PRDM16: variants seen among roughly 807,000 people sequenced by gnomAD.
PRDM16 encodes PR/SET domain 16.
PRDM16 carries 23 observed loss-of-function variants against 110.6 expected under a neutral mutation model. The observed-to-expected ratio is 0.21, with a 90% CI of 0.15 to 0.29. The LOEUF (loss-of-function observed/expected upper bound fraction) is 0.29. Ranked by LOEUF, PRDM16 falls within the 10% of genes least tolerant of loss-of-function variation. PRDM16 has a pLI of 1.00. For missense variants in PRDM16, 1,615 were observed against 1,794.3 expected, an observed-to-expected ratio of 0.90 and a Z score of 1.81; for synonymous variants, 799 against 781.8, an observed-to-expected ratio of 1.02 and a Z score of -0.37.
intron 3 of PRDM16, among the ~76,000 whole-genome samples, chr1:3,269,379 A>G (rs1365412227): frequency 6.7e-6 from 1 of 149,522 alleles, no homozygotes; most frequent in East Asian, 2.0e-4. Flanking sequence ...GGACAGTCCC[A>G]GAGGAGGACA....
chr1:3,273,279 A>C (rs1190706448), intron 3 of PRDM16, among the ~76,000 whole-genome samples: 1 of 152,160 alleles, frequency 6.6e-6, no homozygotes, highest in Non-Finnish European at 1.5e-5. Flanking sequence ...TCACCACCCC[A>C]GTGCCCAGAA....
chr1:3,134,797 T>A (rs1313976779), intron 1 of PRDM16, among the ~76,000 whole-genome samples: 1 of 152,240 alleles, frequency 6.6e-6, no homozygotes, highest in Non-Finnish European at 1.5e-5. Flanking sequence ...TAAGCCTAGC[T>A]GAGGCAGAGG....
In PRDM16 at chr1:3,339,192, C is replaced by T. The variant is rs1273752663; in HGVS notation, c.439-45960C>T. Among the ~76,000 whole-genome samples, 3 of 152,166 alleles carry T rather than the reference C, an allele frequency of 2.0e-5. No homozygotes were observed. On this transcript the variant is annotated intron_variant, in intron 3 of 16. Transcript: ENST00000270722. This position sits in a 1 kb window ranked among gnomAD's most constrained non-coding sequence, Gnocchi z 5.0. ...AGGGCAGCTTCCTGGCCACCCTCAC[C>T]TCCAGCTGCTGAAAGCCGAACCACG... is the stretch of plus-strand genomic sequence containing the variant.
chr1:3,127,173 T>C (rs983722172), intron 1 of PRDM16, among the ~76,000 whole-genome samples: 3 of 152,254 alleles, frequency 2.0e-5, no homozygotes, highest in Non-Finnish European at 4.4e-5. Flanking sequence ...ATTTCAGCAC[T>C]GTGCTTTCTA....
intron 3 of PRDM16, among the ~76,000 whole-genome samples, chr1:3,366,257 C>A (rs770193677): frequency 3.9e-5 from 6 of 152,250 alleles, no homozygotes; most frequent in Admixed American, 6.5e-5. Flanking sequence ...GGCGGCCGCT[C>A]GCAGACTAGA....
Position 3,175,516 on chromosome 1 carries a change from T to A in PRDM16, c.38-10609T>A, listed in dbSNP as rs1432167320. Among the ~76,000 whole-genome samples, 1 of 152,018 alleles carries A rather than the reference T, an allele frequency of 6.6e-6. No individual in the cohort carries two copies. The highest frequency in any genetic ancestry group is 1.5e-5 in the Non-Finnish European group (1 of 68,008). On this transcript the variant is annotated intron_variant, in intron 1 of 16. Transcript: ENST00000270722. The surrounding 1 kb of genome is among the most constrained non-coding windows in gnomAD (Gnocchi z 4.8). ...CTCATGGGGACTCATAGGCACCCAG[T>A]TGGGGGAACATTCTCCAGGTCTCTG...
At chr1:3,429,115 C>G (rs1638696938) in intron 14 of PRDM16, among the ~76,000 whole-genome samples, 1 of 148,880 alleles carries the variant, frequency 6.7e-6, no homozygotes, top group South Asian at 2.1e-4. Flanking sequence ...GGAGAGAGAC[C>G]AGGGACAGAT....
rs548675372 is a variant in PRDM16, at chr1:3,295,699, T to TG, written c.438+51567dup. On this transcript the variant is annotated intron_variant, in intron 3 of 16. Transcript: ENST00000270722. Reference sequence around the variant, plus strand: ...CGCCCACAGTGGGCTTTGTTTAGTCTGGGGGAAGCTCCGTTGACAGGGTTT... The same window carrying TG: ...CGCCCACAGTGGGCTTTGTTTAGTCTGGGGGGAAGCTCCGTTGACAGGGTTT... Among the ~76,000 whole-genome samples the TG allele has an allele frequency of 5.3e-3, 810 of 152,270 alleles. 8 individuals are homozygous for TG. Among genetic ancestry groups the TG allele is most frequent in the Non-Finnish European group, 8.4e-3 (569 of 68,020 alleles).
At position 3,223,269 on chromosome 1, in the gene PRDM16, C is replaced by T. The variant is rs917416041; in HGVS notation, c.388-20818C>T. ...CCCTGGGCCAGTTTTAACTAGGGCG[C>T]GGCTCATCGCAGTGTTGATTACGGA... On this transcript the variant is annotated intron_variant, in intron 2 of 16. Transcript: ENST00000270722. Among the ~76,000 whole-genome samples the T allele has an allele frequency of 6.6e-5, 10 of 152,096 alleles. No homozygotes were observed. In the East Asian group the frequency reaches 7.7e-4, roughly 12 times the overall value.
intron 2 of PRDM16, among the ~76,000 whole-genome samples, chr1:3,189,135 T>A (rs1204840691): frequency 2.0e-5 from 3 of 152,174 alleles, no homozygotes; most frequent in African/African-American, 7.2e-5. Flanking sequence ...CCAAGTGCCG[T>A]GAACAGGGGC....
intron 3 of PRDM16, among the ~76,000 whole-genome samples, chr1:3,356,737 C>G (rs1438242745): frequency 6.6e-6 from 1 of 152,176 alleles, no homozygotes; most frequent in Non-Finnish European, 1.5e-5. Context: ...AGTCACTGGG[C>G]AGATCGAGCA....
chr1:3,395,499 T>C lies in PRDM16; in HGVS notation c.574-992T>C, dbSNP rs367604141. On this transcript the variant is annotated intron_variant, in intron 4 of 16. Transcript: ENST00000270722. ...TCCTCCGGCCAGGCCTGCAGTTCCC[T>C]GGAAGCTCCCCAGTTACTGTGATCA... 1.4e-4 allele frequency among the ~76,000 whole-genome samples: 22 copies of C among 152,236 alleles called. 1 individual carries two copies. Among genetic ancestry groups the C allele is most frequent in the African/African-American group, 5.3e-4 (22 of 41,544 alleles).
At chr1:3,247,452 T>C (rs2937391) in intron 3 of PRDM16, among the ~76,000 whole-genome samples, 45,116 of 152,126 alleles carry the variant, frequency 0.3, 9,434 homozygotes, top group African/African-American at 0.59. Context: ...GGATTCGAAC[T>C]CAGGACTGTG....
At position 3,412,688 on chromosome 1, in the gene PRDM16, C is replaced by T. The variant is rs1392945429; in HGVS notation, c.2491C>T (p.Arg831Cys). 26 of 1,499,716 alleles carry T rather than the reference C, an allele frequency of 1.7e-5. No homozygotes were observed. The highest frequency in any genetic ancestry group is 4.2e-5 in the African/African-American group (3 of 70,944). 92.9% of individuals were successfully genotyped at this position (1,499,716 alleles called of 1,614,324 possible). ...CCGCAAGAACCACGTCTATGGGGAA[C>T]GCAAGCTGGGCGCCGGCGAGGGGCT... ...EPRKNHVYGE[R>C]KLGAGEGLPQ... is the part of the protein sequence containing the mutation. The change falls in exon 9 of 17, where the codon CGC becomes TGC. Residue 831 changes from arginine (R) to cysteine (C), a missense_variant. Physicochemically the swap from Arg to Cys is radical, Grantham distance 180. Coordinates refer to ENST00000270722, the MANE Select transcript of PRDM16 (RefSeq NM_022114.4).
chr1:3,187,236 T>C (rs1002918814), intron 2 of PRDM16, among the ~76,000 whole-genome samples: 6 of 152,050 alleles, frequency 3.9e-5, no homozygotes, highest in African/African-American at 1.4e-4. Context: ...AAAAGTGCAC[T>C]TCCTGGTGGG....
At position 3,438,026 on chromosome 1, in the gene PRDM16, A is replaced by AGTTTT. The variant is rs1171509682; in HGVS notation, c.*4231_*4235dup. On this transcript the variant is annotated 3_prime_UTR_variant, in exon 17 of 17. Coordinates refer to ENST00000270722, the MANE Select transcript of PRDM16 (RefSeq NM_022114.4). ...CATTGTTACATTACAGATTTGGTTT[A>AGTTTT]GTTTTGTTTTGTTTTGTTTTTTCTT... The AGTTTT allele has an allele frequency of 9.3e-6, 2 of 216,144 alleles. No homozygotes were observed. The highest frequency in any genetic ancestry group is 1.2e-4 in the Admixed American group (2 of 17,196). The allele number at this position is 216,144 out of a possible 1,614,324, so 13.4% of individuals were successfully genotyped here. A position where few individuals can be genotyped will look rare whatever the true frequency, so the allele number is the denominator to read the frequency against.
chr1:3,236,860 G>A (rs1347313540), intron 2 of PRDM16, among the ~76,000 whole-genome samples: 4 of 152,208 alleles, frequency 2.6e-5, no homozygotes, highest in Admixed American at 1.3e-4. Flanking sequence ...CATTATTGGG[G>A]GCCAAGTACC....
At chr1:3,345,951 G>A (rs999747196) in intron 3 of PRDM16, among the ~76,000 whole-genome samples, 9 of 152,230 alleles carry the variant, frequency 5.9e-5, no homozygotes, top group Admixed American at 3.3e-4. Flanking sequence ...AAGAGGCCAC[G>A]TGGCTGTGGG....
chr1:3,365,928 ACACATGCACACAAACG>A (rs1159468009), intron 3 of PRDM16, among the ~76,000 whole-genome samples: 2 of 106,300 alleles, frequency 1.9e-5, no homozygotes, highest in East Asian at 3.1e-4. Flanking sequence ...ACACACACGC[ACACATGCACACAAACG>A]CACACGCATG....
Sources: gnomAD v4.1 joint callset for allele counts (sites outside exome capture counted in the v4.1 genomes callset) on GRCh38, gnomAD v4.1.1 for gene constraint, Gnocchi (gnomAD v3.1) non-coding constraint, MANE v1.5 for transcripts, NCBI Gene and HGNC (gene_info 2026-07-23, HGNC 2026-07-21) for gene names.